Variants in MLIP observed in about 807,000 individuals in gnomAD.
The protein encoded by MLIP is muscular LMNA-interacting protein.
In MLIP, 79 loss-of-function variants were observed where a neutral mutation model predicts 84.8. The ratio of observed to expected loss-of-function variants is 0.93; its 90% confidence interval spans 0.78 to 1.12. The LOEUF (loss-of-function observed/expected upper bound fraction) is 1.12, where lower values mean the gene tolerates loss of function less well. Among genes scored for constraint, MLIP ranks in the 50% most tolerant of loss-of-function variants. The probability of loss-of-function intolerance (pLI) is 0.00; values close to 1 mark genes in which losing one functional copy is unlikely to be tolerated. For missense variants in MLIP, 1,257 were observed against 1,160.6 expected, an observed-to-expected ratio of 1.08 and a Z score of -1.21; for synonymous variants, 504 against 463.0, an observed-to-expected ratio of 1.09 and a Z score of -1.14.
chr6:54,071,059 G>A (rs1049327525), intron 1 of MLIP, among the ~76,000 whole-genome samples: 7 of 152,088 alleles, frequency 4.6e-5, no homozygotes, highest in Non-Finnish European at 8.8e-5. Context: ...ATAGAGTTAA[G>A]ACCCACGTCT....
intron 11 of MLIP, among the ~76,000 whole-genome samples, chr6:54,218,621 G>A (rs1780006067): frequency 6.6e-6 from 1 of 152,076 alleles, no homozygotes; most frequent in African/African-American, 2.4e-5. Flanking sequence ...CTGGGTTCAA[G>A]CGATTCTCCT....
rs181423352 is a variant in MLIP at position 54,132,275 on chromosome 6, A to T, written c.646-4440A>T. Among the ~76,000 whole-genome samples the T allele has an allele frequency of 1.2e-4, 18 of 152,254 alleles. No homozygotes were observed. The East Asian group carries it at 3.5e-3, about 29-fold the overall frequency. ...TATCATGTTTTTAAAAGATTGAGAG[A>T]ATTTCTGTTTTATATCTATGTTAGG... On this transcript the variant is annotated intron_variant, in intron 3 of 13. Coordinates refer to ENST00000502396, the MANE Select transcript of MLIP (RefSeq NM_001281747.2).
intron 3 of MLIP, among the ~76,000 whole-genome samples, chr6:54,129,530 T>A (rs1353828598): frequency 1.3e-5 from 2 of 152,032 alleles, no homozygotes; most frequent in African/African-American, 4.8e-5. Flanking sequence ...GATAATAGAG[T>A]ATGGAAGAGC....
intron 11 of MLIP, chr6:54,217,852 T>TA (rs1409855997): frequency 4.1e-6 from 4 of 984,526 alleles, no homozygotes; most frequent in Admixed American, 1.2e-4. Context: ...TATTGCATGC[T>TA]AAAGCAGGAT....
Position 54,138,210 on chromosome 6 carries a change from C to T in MLIP, c.2141C>T (p.Ser714Phe). 1 of 1,536,116 alleles carries T rather than the reference C, an allele frequency of 6.5e-7. No individual in the cohort carries two copies. The highest frequency in any genetic ancestry group is 2.0e-5 in the Admixed American group (1 of 50,998). ...GTTTCAACCCCATCACTTCCCATAT[C>T]TCTAACAAGGACAGAGGAGCTGATT... is the stretch of plus-strand genomic sequence containing the variant. ...SPVSTPSLPI[S>F]LTRTEELISP... Residue 714 changes from serine to phenylalanine, a missense_variant, in exon 4 of 14, where the codon TCT (serine) becomes TTT (phenylalanine). By Grantham distance (155) the Ser-to-Phe change is radical. Transcript: ENST00000502396.
chr6:54,252,178 A>ATC (rs1363389287), intron 12 of MLIP, among the ~76,000 whole-genome samples: 1 of 79,694 alleles, frequency 1.3e-5, no homozygotes, highest in African/African-American at 8.4e-5. Context: ...ATATTATAAC[A>ATC]TAATATATAA....
intron 1 of MLIP, among the ~76,000 whole-genome samples, chr6:54,080,786 T>G (rs1412258333): frequency 1.3e-5 from 2 of 149,668 alleles, no homozygotes; most frequent in African/African-American, 4.9e-5. Flanking sequence ...TCTACATATG[T>G]ATATACATAT....
intron 13 of MLIP, among the ~76,000 whole-genome samples, chr6:54,259,901 T>C (rs1358745486): frequency 1.3e-5 from 2 of 151,926 alleles, no homozygotes; most frequent in African/African-American, 4.8e-5. Flanking sequence ...CTTTTCTCTG[T>C]TATTTATTTA....
In MLIP at chr6:54,238,693, G is replaced by A. The variant is rs567981154; in HGVS notation, c.2922+7776G>A. The stretch of plus-strand genomic sequence containing the variant: ...AGGCTGAGATTTCCTAAGCAAGAAG[G>A]CTCTATTTACAGTGAAAACTTGAGA... On this transcript the variant is annotated intron_variant, in intron 12 of 13. Transcript: ENST00000502396. Among the ~76,000 whole-genome samples, 21 of 152,278 alleles carry A rather than the reference G, an allele frequency of 1.4e-4. No homozygotes were observed. In the East Asian group the frequency reaches 3.9e-3, roughly 28 times the overall value.
At chr6:54,233,610 G>A (rs1328969734) in intron 12 of MLIP, among the ~76,000 whole-genome samples, 1 of 152,126 alleles carries the variant, frequency 6.6e-6, no homozygotes, top group African/African-American at 2.4e-5. Flanking sequence ...CCAAGTCTTT[G>A]CTATTGTGAA....
intron 12 of MLIP, among the ~76,000 whole-genome samples, chr6:54,241,780 G>A (rs774676513): frequency 6.6e-6 from 1 of 152,058 alleles, no homozygotes; most frequent in Non-Finnish European, 1.5e-5. Flanking sequence ...CTGCTCTTGA[G>A]ATTGTAGATT....
intron 10 of MLIP, among the ~76,000 whole-genome samples, chr6:54,200,888 A>T (rs1161655637): frequency 1.3e-5 from 2 of 152,184 alleles, no homozygotes; most frequent in Admixed American, 6.5e-5. Flanking sequence ...AAAATATATC[A>T]GGTGCTTTAT....
intron 11 of MLIP, among the ~76,000 whole-genome samples, chr6:54,211,641 C>T (rs1779459558): frequency 6.6e-6 from 1 of 152,266 alleles, no homozygotes; most frequent in South Asian, 2.1e-4. Context: ...GAGGGGATGG[C>T]ACCAGATCAG....
intron 12 of MLIP, among the ~76,000 whole-genome samples, chr6:54,250,905 AC>A (rs1782430788): frequency 6.6e-6 from 1 of 152,024 alleles, no homozygotes; most frequent in Non-Finnish European, 1.5e-5. Flanking sequence ...AAGACTCAAT[AC>A]TTTTACTTCC....
chr6:54,163,265 C>T (rs762800676), intron 8 of MLIP, among the ~76,000 whole-genome samples: 1 of 151,370 alleles, frequency 6.6e-6, no homozygotes, highest in Non-Finnish European at 1.5e-5. Context: ...TTTTTTCATA[C>T]CCTTTTGTCT....
intron 3 of MLIP, 147 bp from the exon 4 acceptor site, chr6:54,136,568 G>T: frequency 1.4e-6 from 1 of 728,568 alleles, no homozygotes. Context: ...GGCCTCATTA[G>T]CAAAATAGAA....
intron 12 of MLIP, among the ~76,000 whole-genome samples, chr6:54,240,706 G>A (rs1047712801): frequency 2.6e-5 from 4 of 152,192 alleles, no homozygotes; most frequent in African/African-American, 9.6e-5. Context: ...GCCGGGCACC[G>A]TGGCTCACGC....
chr6:54,127,207 T>A (rs1015139218), intron 3 of MLIP, among the ~76,000 whole-genome samples: 2 of 124,208 alleles, frequency 1.6e-5, no homozygotes, highest in African/African-American at 5.2e-5. Flanking sequence ...TTCTTTATTA[T>A]TTTATAGCTT....
chr6:54,239,543 T>G (rs1017872326), intron 12 of MLIP, among the ~76,000 whole-genome samples: 6 of 150,626 alleles, frequency 4.0e-5, no homozygotes, highest in Non-Finnish European at 7.4e-5. Flanking sequence ...GGCTGAGGTA[T>G]GCCGATCATT....
Sources: gnomAD v4.1 joint callset for allele counts (sites outside exome capture counted in the v4.1 genomes callset) on GRCh38, gnomAD v4.1.1 for gene constraint, MANE v1.5 for transcripts, NCBI Gene and HGNC (gene_info 2026-07-23, HGNC 2026-07-21) for gene names.